Variants in DPY19L2 observed in about 807,000 individuals in gnomAD.
DPY19L2 encodes probable C-mannosyltransferase DPY19L2.
DPY19L2 carries 34 observed loss-of-function variants against 97.9 expected under a neutral mutation model. The ratio of observed to expected loss-of-function variants is 0.35; its 90% CI spans 0.26 to 0.46. The LOEUF (loss-of-function observed/expected upper bound fraction) is 0.46, where lower values mean the gene tolerates loss of function less well. DPY19L2 is among the 20% of genes least tolerant of loss of function. The pLI is 1.00. For missense variants in DPY19L2, 623 were observed against 911.4 expected (o/e 0.68, Z 4.07); for synonymous variants, 230 against 307.9 (o/e 0.75, Z 2.65).
At chr12:63,656,702 G>T (rs374776705) in intron 4 of DPY19L2, among the ~76,000 whole-genome samples, 2 of 151,928 alleles carry the variant, frequency 1.3e-5, no homozygotes, top group Admixed American at 1.3e-4. Context: ...ATTTGATATG[G>T]TGTCACAGCT....
chr12:63,570,696 C>T (rs116847347), intron 20 of DPY19L2, 62 bp downstream of exon 20: 54,182 of 1,204,738 alleles, frequency 0.045, 1,269 homozygotes, highest in Middle Eastern at 0.079. Context: ...TAAAATTTTC[C>T]CAATTCCTAA....
intron 11 of DPY19L2, among the ~76,000 whole-genome samples, chr12:63,611,102 CA>C (rs1247434494): frequency 6.6e-6 from 1 of 151,610 alleles, no homozygotes; most frequent in Admixed American, 6.6e-5. Context: ...CAAGTCTTGG[CA>C]AAAATGTAGA....
intron 6 of DPY19L2, among the ~76,000 whole-genome samples, chr12:63,639,149 A>G (rs1003310767): frequency 2.0e-5 from 3 of 152,176 alleles, no homozygotes; most frequent in Middle Eastern, 3.2e-3. Flanking sequence ...CTGGCTAGCC[A>G]TATGTAGGAA....
chr12:63,633,524 A>C (rs1442138226), intron 6 of DPY19L2, among the ~76,000 whole-genome samples: 3 of 152,188 alleles, frequency 2.0e-5, no homozygotes, highest in Non-Finnish European at 4.4e-5. Flanking sequence ...ATACCATCTC[A>C]CACCAGTTAG....
chr12:63,649,659 C>T (rs1223439167), intron 4 of DPY19L2, among the ~76,000 whole-genome samples: 2 of 152,074 alleles, frequency 1.3e-5, no homozygotes, highest in Non-Finnish European at 1.5e-5. Context: ...AGACCAATAA[C>T]AAGTTCCAAG....
chr12:63,592,103 A>AGAAAAGG (rs1883188549), intron 16 of DPY19L2, among the ~76,000 whole-genome samples: 2 of 146,270 alleles, frequency 1.4e-5, no homozygotes, highest in Non-Finnish European at 3.0e-5. Flanking sequence ...AAGAGAAAAG[A>AGAAAAGG]AAAGAGAAGA....
intron 21 of DPY19L2, among the ~76,000 whole-genome samples, chr12:63,564,738 C>T (rs1427534148): frequency 1.3e-5 from 2 of 152,040 alleles, no homozygotes; most frequent in Non-Finnish European, 2.9e-5. Flanking sequence ...TCAATTAGGT[C>T]ATATTGGTTG....
At chr12:63,599,390 G>A (rs1323225685) in intron 13 of DPY19L2, among the ~76,000 whole-genome samples, 2 of 152,134 alleles carry the variant, frequency 1.3e-5, no homozygotes, top group East Asian at 3.9e-4. Context: ...GAGAACAGCA[G>A]CAACAAATAA....
rs1305791716 is a variant in DPY19L2, at chr12:63,560,515, G to A, written c.2274C>T (p.Asn758=). Residue 758 remains asparagine (N), a synonymous_variant, in exon 22 of 22, where the codon AAC becomes AAT. Coordinates refer to ENST00000324472, the MANE Select transcript of DPY19L2 (RefSeq NM_173812.5). ...AGTAAAATGGGTAGTATCCTTCTCA[G>A]TTAACCTTTAATACTCTGTACACAC... ...QNSVYRVLKV[N] The A allele has an allele frequency of 6.2e-7, 1 of 1,613,150 alleles. No individual in the cohort carries two copies. Among genetic ancestry groups the A allele is most frequent in the African/African-American group, 1.3e-5 (1 of 74,892 alleles).
Position 63,559,198 on chromosome 12 carries a change from TTC to T in DPY19L2, c.*1312_*1313del, listed in dbSNP as rs3049125. ...GGCATGTTTTCTTAGCTGTTTTGTA[TTC>T]TGTTATAAGATATTTTACAACTATG... On this transcript the variant is annotated 3_prime_UTR_variant, in exon 22 of 22. Coordinates refer to ENST00000324472, the MANE Select transcript of DPY19L2 (RefSeq NM_173812.5). The T allele has an allele frequency of 1.3e-5, 2 of 152,206 alleles. No individual in the cohort carries two copies. The highest frequency in any genetic ancestry group is 4.8e-5 in the African/African-American group (2 of 41,456). 9.4% of individuals were successfully genotyped at this position (152,206 alleles called of 1,614,324 possible).
At position 63,637,744 on chromosome 12, in the gene DPY19L2, A is replaced by G. The variant is rs139186075; in HGVS notation, c.803+6659T>C. ...GCCTACCAACCAAAAAAAGTCCAGG[A>G]CCAGACAGATTCACAGCCCAATCCT... On this transcript the variant is annotated intron_variant, in intron 6 of 21. Transcript: ENST00000324472. 4.5e-3 allele frequency among the ~76,000 whole-genome samples: 689 copies of G among 152,240 alleles called. 6 individuals carry two copies. The highest frequency in any genetic ancestry group is 0.015 in the African/African-American group (641 of 41,544).
intron 4 of DPY19L2, among the ~76,000 whole-genome samples, chr12:63,659,979 C>A (rs183601816): frequency 2.1e-4 from 32 of 152,098 alleles, no homozygotes; most frequent in Non-Finnish European, 4.0e-4. Context: ...AAGGGAAGTA[C>A]AAATTAAAAC....
intron 21 of DPY19L2, among the ~76,000 whole-genome samples, chr12:63,567,210 A>C (rs1171849748): frequency 6.6e-6 from 1 of 151,948 alleles, no homozygotes; most frequent in Non-Finnish European, 1.5e-5. Flanking sequence ...CTCTACTTCT[A>C]TGAGCTACTT....
At chr12:63,636,113 G>A (rs1467216063) in intron 6 of DPY19L2, among the ~76,000 whole-genome samples, 5 of 147,442 alleles carry the variant, frequency 3.4e-5, no homozygotes, top group Non-Finnish European at 6.0e-5. Context: ...AAGGGGGGGC[G>A]GCCAATATTC....
Position 63,582,441 on chromosome 12 carries a change from T to C in DPY19L2, c.1690A>G (p.Met564Val). The part of the protein sequence containing the change: ...MRLKMFLTPH[M>V]CVMASLICSR... ...CATATCAAGGAAGCCATAACACACATGTGCGGTGTCAAAAACATCTTTAGC... is the reference window on the plus strand; with the variant it reads ...CATATCAAGGAAGCCATAACACACACGTGCGGTGTCAAAAACATCTTTAGC... Residue 564 changes from methionine (M) to valine (V), a missense_variant, in exon 18 of 22, where the codon ATG becomes GTG. Around this residue, in one of 6 missense-constraint regions of DPY19L2, gnomAD observed 294 missense variants for 446.2 expected, o/e 0.66. Coordinates refer to ENST00000324472, the MANE Select transcript of DPY19L2 (RefSeq NM_173812.5). The C allele has an allele frequency of 6.2e-7, 1 of 1,613,564 alleles. No individual in the cohort carries two copies. Among genetic ancestry groups the C allele is most frequent in the Non-Finnish European group, 8.5e-7 (1 of 1,179,644 alleles).
intron 19 of DPY19L2, among the ~76,000 whole-genome samples, chr12:63,580,124 A>T (rs895952194): frequency 6.6e-6 from 1 of 151,762 alleles, no homozygotes; most frequent in African/African-American, 2.4e-5. Context: ...AGTAGGATGT[A>T]TACTATCTCT....
At chr12:63,560,691 AT>A (rs1338171775) in intron 21 of DPY19L2, 29 bp from the exon 22 acceptor site, 4 of 1,611,800 alleles carry the variant, frequency 2.5e-6, no homozygotes, top group Non-Finnish European at 3.4e-6. Flanking sequence ...ATATATCCAT[AT>A]TAGAAATGTA....
chr12:63,658,155 T>C (rs1895205289), intron 4 of DPY19L2, among the ~76,000 whole-genome samples: 1 of 152,098 alleles, frequency 6.6e-6, no homozygotes, highest in African/African-American at 2.4e-5. Flanking sequence ...TAAGAGTTCT[T>C]TATATATTAG....
At chr12:63,596,614 G>A (rs1884289105) in intron 14 of DPY19L2, among the ~76,000 whole-genome samples, 1 of 152,154 alleles carries the variant, frequency 6.6e-6, no homozygotes, top group Non-Finnish European at 1.5e-5. Flanking sequence ...CTGCCTCATG[G>A]ATAACTAGTG....
Sources: allele counts gnomAD v4.1 joint callset (sites outside exome capture counted in the v4.1 genomes callset), GRCh38; gene constraint gnomAD v4.1.1; regional missense constraint gnomAD v4.1.1; transcripts MANE v1.5; gene names NCBI Gene and HGNC (gene_info 2026-07-23, HGNC 2026-07-21).